INPP4B: variants seen among roughly 807,000 people sequenced by gnomAD.
The protein encoded by INPP4B is inositol polyphosphate 4-phosphatase type II.
A neutral mutation model predicts 122.5 loss-of-function variants in INPP4B; 55 were observed. The observed-to-expected ratio is 0.45, with a 90% CI of 0.36 to 0.56. The LOEUF (loss-of-function observed/expected upper bound fraction) is 0.56. Among genes scored for constraint, INPP4B ranks in the 20% least tolerant of loss-of-function variants. The pLI is 0.00. For synonymous variants in INPP4B, 403 were observed against 388.7 expected, an observed-to-expected ratio of 1.04 and a Z score of -0.43; for missense variants, 1,000 against 1,097.7, an observed-to-expected ratio of 0.91 and a Z score of 1.26.
At chr4:142,563,762 T>A (rs1417496944) in intron 2 of INPP4B, among the ~76,000 whole-genome samples, 1 of 152,160 alleles carries the variant, frequency 6.6e-6, no homozygotes, top group African/African-American at 2.4e-5. Flanking sequence ...TTCTCACTTC[T>A]CCCTCTCTCT....
intron 7 of INPP4B, among the ~76,000 whole-genome samples, chr4:142,381,661 G>A (rs911774319): frequency 1.1e-4 from 16 of 152,220 alleles, no homozygotes; most frequent in African/African-American, 3.6e-4. Flanking sequence ...TTAACTTGCA[G>A]AAGTTGTAGT....
At chr4:142,471,325 T>C (rs2149681534) in intron 2 of INPP4B, among the ~76,000 whole-genome samples, 1 of 152,298 alleles carries the variant, frequency 6.6e-6, no homozygotes. Context: ...AAACAAAACC[T>C]AGCATACCAG....
chr4:142,649,788 C>T (rs1451525570), intron 2 of INPP4B, among the ~76,000 whole-genome samples: 1 of 152,174 alleles, frequency 6.6e-6, no homozygotes. Flanking sequence ...TTGAAAAACG[C>T]TCTTCAGGAT....
chr4:142,398,246 C>T (rs411513), intron 7 of INPP4B, among the ~76,000 whole-genome samples: 10 of 150,108 alleles, frequency 6.7e-5, no homozygotes, highest in East Asian at 2.0e-4. Context: ...GGCGTGGTGG[C>T]GGGCGCCTGT....
intron 2 of INPP4B, among the ~76,000 whole-genome samples, chr4:142,670,804 C>G (rs1355920319): frequency 6.6e-6 from 1 of 152,050 alleles, no homozygotes; most frequent in African/African-American, 2.4e-5. Context: ...GTAAACTGTT[C>G]TCACCACCAA....
chr4:142,377,368 A>G (rs1792320979), intron 7 of INPP4B, among the ~76,000 whole-genome samples: 1 of 152,054 alleles, frequency 6.6e-6, no homozygotes, highest in Non-Finnish European at 1.5e-5. Context: ...ACCTTCTGCC[A>G]TGTCCAAGGT....
intron 2 of INPP4B, among the ~76,000 whole-genome samples, chr4:142,566,859 A>G (rs1480720534): frequency 1.3e-5 from 2 of 152,148 alleles, no homozygotes; most frequent in African/African-American, 4.8e-5. Flanking sequence ...TAACCAGCTC[A>G]TTTTTTAAAA....
chr4:142,201,488 C>T (rs1840615992), intron 14 of INPP4B, among the ~76,000 whole-genome samples: 1 of 151,988 alleles, frequency 6.6e-6, no homozygotes, highest in Non-Finnish European at 1.5e-5. Flanking sequence ...TGGTTTATCT[C>T]CTTTGGCCCT....
intron 1 of INPP4B, among the ~76,000 whole-genome samples, chr4:142,810,271 A>T (rs1045745145): frequency 6.6e-6 from 1 of 152,074 alleles, no homozygotes; most frequent in African/African-American, 2.4e-5. Context: ...TATGTTAGTT[A>T]TGTATATCTT....
At chr4:142,796,293 A>G (rs1580936921) in intron 1 of INPP4B, among the ~76,000 whole-genome samples, 1 of 152,146 alleles carries the variant, frequency 6.6e-6, no homozygotes, top group East Asian at 1.9e-4. Context: ...TCATTTGTTC[A>G]AAGACAACAG....
intron 7 of INPP4B, among the ~76,000 whole-genome samples, chr4:142,392,701 G>A (rs1798129959): frequency 6.6e-6 from 1 of 152,140 alleles, no homozygotes; most frequent in African/African-American, 2.4e-5. Flanking sequence ...TACTGTAAAG[G>A]CTATAGTTAC....
At chr4:142,217,702 G>A (rs1217661524) in intron 12 of INPP4B, among the ~76,000 whole-genome samples, 1 of 152,216 alleles carries the variant, frequency 6.6e-6, no homozygotes, top group East Asian at 1.9e-4. Flanking sequence ...GGTATACTGA[G>A]TGTTTCCATG....
chr4:142,062,601 C>T (rs1011304772), intron 25 of INPP4B, among the ~76,000 whole-genome samples: 39 of 151,720 alleles, frequency 2.6e-4, no homozygotes, highest in Middle Eastern at 3.4e-3. Context: ...CTGGGCATGG[C>T]GGTGCGCACC....
At chr4:142,757,355 T>C (rs1770656442) in intron 1 of INPP4B, among the ~76,000 whole-genome samples, 2 of 152,144 alleles carry the variant, frequency 1.3e-5, no homozygotes, top group Admixed American at 6.6e-5. Context: ...GGTTTTGACA[T>C]ATATGTGATG....
intron 17 of INPP4B, among the ~76,000 whole-genome samples, chr4:142,152,635 C>A (rs1227001027): frequency 1.3e-5 from 2 of 151,872 alleles, no homozygotes; most frequent in African/African-American, 4.8e-5. Flanking sequence ...CTTCTGTTGC[C>A]CAGACCAGAG....
At chr4:142,163,551 G>C (rs1467151318) in intron 16 of INPP4B, among the ~76,000 whole-genome samples, 1 of 151,900 alleles carries the variant, frequency 6.6e-6, no homozygotes, top group African/African-American at 2.4e-5. Context: ...TATTTTGAGA[G>C]AGACCACATT....
intron 2 of INPP4B, among the ~76,000 whole-genome samples, chr4:142,571,814 T>C (rs1016986500): frequency 6.6e-6 from 1 of 152,142 alleles, no homozygotes; most frequent in African/African-American, 2.4e-5. Flanking sequence ...TTATTTTTTT[T>C]TGAGACCCAT....
rs918589250 is a variant in INPP4B at position 142,305,637 on chromosome 4, T to A, written c.424-100A>T. ...AATGAGTCTTTAGAAGAATGAAATATTAAATCTATTAGCCTGACAAATATT... is the reference window on the plus strand; with the variant it reads ...AATGAGTCTTTAGAAGAATGAAATAATAAATCTATTAGCCTGACAAATATT... On this transcript the variant is annotated intron_variant, in intron 8 of 25. Coordinates refer to ENST00000262992, the MANE Select transcript of INPP4B (RefSeq NM_001101669.3). The A allele has an allele frequency of 1.0e-5, 15 of 1,493,672 alleles. No individual in the cohort carries two copies. In the East Asian group the frequency reaches 2.6e-4, roughly 25 times the overall value. 92.5% of individuals were successfully genotyped at this position (1,493,672 alleles called of 1,614,324 possible). A position where few individuals can be genotyped will look rare whatever the true frequency, so the allele number is the denominator to read the frequency against.
At chr4:142,082,000 A>G (rs2152527949) in intron 25 of INPP4B, 31 bp downstream of exon 25, 4 of 1,279,570 alleles carry the variant, frequency 3.1e-6, no homozygotes, top group Non-Finnish European at 4.0e-6. Flanking sequence ...ATGACCTTAA[A>G]AGAAAAAAAC....
Sources: allele counts gnomAD v4.1 joint callset (sites outside exome capture counted in the v4.1 genomes callset), GRCh38; gene constraint gnomAD v4.1.1; transcripts MANE v1.5; gene names NCBI Gene and HGNC (gene_info 2026-07-23, HGNC 2026-07-21).